Variants in SSR1 observed in about 807,000 individuals in gnomAD.
The protein encoded by SSR1 is translocon-associated protein subunit alpha.
SSR1 carries 13 observed loss-of-function variants against 36.1 expected under a neutral mutation model. The observed-to-expected ratio is 0.36, with a 90% CI of 0.23 to 0.57. SSR1 has a LOEUF of 0.57. Among genes scored for constraint, SSR1 ranks in the 20% least tolerant of loss-of-function variants. The pLI is 0.81. For synonymous variants in SSR1, 113 were observed against 118.9 expected (o/e 0.95, Z 0.32); for missense variants, 291 against 338.5 (o/e 0.86, Z 1.10).
In SSR1 at chr6:7,288,137, C is replaced by T. The variant is rs1221598924; in HGVS notation, c.*1727G>A. ...TTACATTTCGTAAATTCTGTAATTA[C>T]ACCTTACTGTATCATGCCCTAGTAG... On this transcript the variant is annotated 3_prime_UTR_variant, in exon 8 of 8. Coordinates refer to ENST00000244763, the MANE Select transcript of SSR1 (RefSeq NM_003144.5). The T allele has an allele frequency of 6.6e-6, 1 of 152,134 alleles. No homozygotes were observed. Among genetic ancestry groups the T allele is most frequent in the African/African-American group, 2.4e-5 (1 of 41,422 alleles). 9.4% of individuals were successfully genotyped at this position (152,134 alleles called of 1,614,324 possible).
chr6:7,293,956 T>G (rs1462022998), intron 7 of SSR1, among the ~76,000 whole-genome samples: 1 of 152,216 alleles, frequency 6.6e-6, no homozygotes, highest in Non-Finnish European at 1.5e-5. Flanking sequence ...ATATTGTGCA[T>G]GGTTGAGAAC....
intron 1 of SSR1, among the ~76,000 whole-genome samples, chr6:7,310,678 A>G (rs1561836713): frequency 1.3e-5 from 2 of 152,204 alleles, no homozygotes; most frequent in South Asian, 4.1e-4. Context: ...TAGAAGGCTG[A>G]GGAGGGTGAA....
At chr6:7,306,595 A>G (rs1184119739) in intron 2 of SSR1, among the ~76,000 whole-genome samples, 1 of 152,140 alleles carries the variant, frequency 6.6e-6, no homozygotes, top group Admixed American at 6.5e-5. Flanking sequence ...TTTATAGAGT[A>G]AAAGAATAAT....
At chr6:7,304,367 A>G (rs902048766) in intron 2 of SSR1, among the ~76,000 whole-genome samples, 2 of 152,192 alleles carry the variant, frequency 1.3e-5, no homozygotes, top group Non-Finnish European at 2.9e-5. Flanking sequence ...GCCTCAGACA[A>G]TACGTAAATG....
intron 4 of SSR1, among the ~76,000 whole-genome samples, chr6:7,299,144 TAA>T (rs34730599): frequency 6.6e-6 from 1 of 152,092 alleles, no homozygotes; most frequent in African/African-American, 2.4e-5. Flanking sequence ...CACACCCCTT[TAA>T]AAAAAGTCAC....
intron 6 of SSR1, among the ~76,000 whole-genome samples, chr6:7,297,404 G>A (rs1757824571): frequency 6.6e-6 from 1 of 152,048 alleles, no homozygotes; most frequent in South Asian, 2.1e-4. Context: ...GGGCACAAAG[G>A]ACAATAAATA....
intron 7 of SSR1, among the ~76,000 whole-genome samples, chr6:7,294,614 C>A (rs1433669998): frequency 1.3e-5 from 2 of 152,088 alleles, no homozygotes; most frequent in African/African-American, 4.8e-5. Context: ...TCACTCGAAC[C>A]CAGGAGGCGG....
At chr6:7,295,772 A>ATACTT (rs781763415) in intron 6 of SSR1, among the ~76,000 whole-genome samples, 7 of 152,236 alleles carry the variant, frequency 4.6e-5, no homozygotes, top group Non-Finnish European at 7.3e-5. Flanking sequence ...TTCTACTCAA[A>ATACTT]TACTTTATTA....
chr6:7,300,585 T>C (rs1403067851), intron 4 of SSR1, among the ~76,000 whole-genome samples: 2 of 152,084 alleles, frequency 1.3e-5, no homozygotes, highest in East Asian at 3.9e-4. Flanking sequence ...CAAACAGAAG[T>C]AGTAAAATGG....
rs1561837926 is a variant in SSR1 at position 7,313,138 on chromosome 6, G to C, written c.-18C>G. 3 of 1,596,374 alleles carry C rather than the reference G, an allele frequency of 1.9e-6. No individual in the cohort carries two copies. In the South Asian group the frequency reaches 3.4e-5, roughly 18 times the overall value. On this transcript the variant is annotated 5_prime_UTR_variant, in exon 1 of 8. Coordinates refer to ENST00000244763, the MANE Select transcript of SSR1 (RefSeq NM_003144.5). ...AGTCTCATGGCGCTGCCGGTCCAGT[G>C]TCCAGTTTCCGTCGGCTAAGGCTCT...
chr6:7,294,602 A>T (rs1035983093), intron 7 of SSR1, among the ~76,000 whole-genome samples: 4 of 152,156 alleles, frequency 2.6e-5, no homozygotes, highest in African/African-American at 7.2e-5. Context: ...GAGGCAGGAG[A>T]ATCACTCGAA....
chr6:7,291,323 A>AG (rs957697049), intron 7 of SSR1, among the ~76,000 whole-genome samples: 3 of 151,134 alleles, frequency 2.0e-5, no homozygotes, highest in African/African-American at 7.3e-5. Flanking sequence ...ACTTGAACCG[A>AG]GGGGCCGGAG....
At chr6:7,290,528 GATGT>G (rs1757659113) in intron 7 of SSR1, among the ~76,000 whole-genome samples, 1 of 152,164 alleles carries the variant, frequency 6.6e-6, no homozygotes, top group Non-Finnish European at 1.5e-5. Flanking sequence ...TGAAAGGCTG[GATGT>G]ATGTACCTTC....
At chr6:7,298,251 G>A (rs1327408552) in intron 5 of SSR1, among the ~76,000 whole-genome samples, 2 of 151,994 alleles carry the variant, frequency 1.3e-5, no homozygotes. Context: ...CAAAAGCTTG[G>A]TTTATAAAAT....
At chr6:7,307,776 C>T (rs1455503362) in intron 2 of SSR1, among the ~76,000 whole-genome samples, 1 of 152,198 alleles carries the variant, frequency 6.6e-6, no homozygotes, top group Non-Finnish European at 1.5e-5. Flanking sequence ...TCCTCCTGTC[C>T]TGGCCTCCCA....
rs756456993 is a variant in SSR1, at chr6:7,288,689, C to G, written c.*1175G>C. 1 of 152,544 alleles carries G rather than the reference C, an allele frequency of 6.6e-6. No individual in the cohort carries two copies. The highest frequency in any genetic ancestry group is 6.5e-5 in the Admixed American group (1 of 15,272). 9.4% of individuals were successfully genotyped at this position (152,544 alleles called of 1,614,324 possible). ...CATACTATTTTACTTCACCCTCCATCCAGTCTGACAATAATGCCAAACTTA... is the reference window on the plus strand; with the variant it reads ...CATACTATTTTACTTCACCCTCCATGCAGTCTGACAATAATGCCAAACTTA... On this transcript the variant is annotated 3_prime_UTR_variant, in exon 8 of 8. Transcript: ENST00000244763.
At chr6:7,295,586 C>CT in intron 6 of SSR1, 101 bp from the exon 7 acceptor site, 1 of 789,666 alleles carries the variant, frequency 1.3e-6, no homozygotes, top group Non-Finnish European at 1.9e-6. Context: ...CCCAGGCTGC[C>CT]TGGAACTCCT....
intron 2 of SSR1, among the ~76,000 whole-genome samples, chr6:7,305,413 A>C (rs3778330): frequency 0.21 from 31,881 of 152,146 alleles, 3,465 homozygotes; most frequent in Non-Finnish European, 0.25. Context: ...GTTTTACTAG[A>C]TATATGGGAC....
rs1757556850 is a variant in SSR1, at chr6:7,286,458, TAAC to T, written c.*3403_*3405del. The T allele has an allele frequency of 6.6e-6, 1 of 152,238 alleles. No individual in the cohort carries two copies. Among genetic ancestry groups the T allele is most frequent in the Non-Finnish European group, 1.5e-5 (1 of 68,042 alleles). The allele number at this position is 152,238 out of a possible 1,614,324, so 9.4% of individuals were successfully genotyped here. On this transcript the variant is annotated 3_prime_UTR_variant, in exon 8 of 8. Transcript: ENST00000244763. Reference sequence around the variant, plus strand: ...GGATGAGCTTATAGACAGATTAACTTAACAACGAAACCTAACATTCCACCAGTA... The same window carrying T: ...GGATGAGCTTATAGACAGATTAACTTAACGAAACCTAACATTCCACCAGTA...
Sources: gnomAD v4.1 joint callset for allele counts (sites outside exome capture counted in the v4.1 genomes callset) on GRCh38, gnomAD v4.1.1 for gene constraint, MANE v1.5 for transcripts, NCBI Gene and HGNC (gene_info 2026-07-23, HGNC 2026-07-21) for gene names.